KLRD1: variants seen among roughly 807,000 people sequenced by gnomAD.
The protein encoded by KLRD1 is natural killer cells antigen CD94.
In KLRD1, 21 loss-of-function variants were observed where a neutral mutation model predicts 22.6. That is an observed-to-expected ratio of 0.93 (90% CI 0.66 to 1.34). The LOEUF (loss-of-function observed/expected upper bound fraction) is 1.34, where lower values mean the gene tolerates loss of function less well. Among genes scored for constraint, KLRD1 ranks in the 40% most tolerant of loss-of-function variants. The pLI is 0.00. For missense variants in KLRD1, 183 were observed against 208.6 expected (o/e 0.88, Z 0.76); for synonymous variants, 59 against 71.1 (o/e 0.83, Z 0.85).
At chr12:10,275,257 A>C (rs1297303994) in intron 1 of KLRD1, among the ~76,000 whole-genome samples, 2 of 152,048 alleles carry the variant, frequency 1.3e-5, no homozygotes, top group African/African-American at 4.8e-5. Context: ...TTGTGTGCTT[A>C]GTTTTTTATT....
intron 1 of KLRD1, among the ~76,000 whole-genome samples, chr12:10,249,635 G>T (rs1006400895): frequency 6.6e-6 from 1 of 152,076 alleles, no homozygotes; most frequent in Middle Eastern, 3.2e-3. Context: ...TGGGGAAATC[G>T]TCAATTTTTT....
intron 1 of KLRD1, among the ~76,000 whole-genome samples, chr12:10,288,440 T>C (rs542033200): frequency 4.6e-5 from 7 of 152,272 alleles, no homozygotes; most frequent in South Asian, 4.1e-4. Flanking sequence ...AAATAAAATA[T>C]AATTTTCTTA....
intron 1 of KLRD1, among the ~76,000 whole-genome samples, chr12:10,285,560 A>G (rs60117409): frequency 0.012 from 1,813 of 152,264 alleles, 36 homozygotes; most frequent in African/African-American, 0.042. Context: ...AATTTTTCAC[A>G]TGGTTTTATT....
intron 1 of KLRD1, among the ~76,000 whole-genome samples, chr12:10,272,699 G>A (rs1298632464): frequency 6.6e-6 from 1 of 152,122 alleles, no homozygotes; most frequent in African/African-American, 2.4e-5. Flanking sequence ...TTAATATTGC[G>A]ACATCAGAGA....
At chr12:10,265,121 A>G (rs1213247532) in intron 1 of KLRD1, among the ~76,000 whole-genome samples, 1 of 152,060 alleles carries the variant, frequency 6.6e-6, no homozygotes, top group East Asian at 1.9e-4. Context: ...TTTACCTGTT[A>G]TTTTTAGCAC....
rs1261290430 is a variant in KLRD1, at chr12:10,309,619, C to G, written c.101-7C>G. On this transcript the variant is annotated splice_polypyrimidine_tract_variant and splice_region_variant and intron_variant, in intron 2 of 5. Transcript: ENST00000336164. ...TAATTAAACAAATTTCTAATCATTT[C>G]TTATAGCTTTTACTAAACTGAGTAT... The G allele has an allele frequency of 6.2e-7, 1 of 1,604,514 alleles. No individual in the cohort carries two copies. Among genetic ancestry groups the G allele is most frequent in the Admixed American group, 1.7e-5 (1 of 59,914 alleles).
intron 1 of KLRD1, among the ~76,000 whole-genome samples, chr12:10,272,623 C>G (rs1949560209): frequency 6.6e-6 from 1 of 152,062 alleles, no homozygotes; most frequent in Non-Finnish European, 1.5e-5. Flanking sequence ...TTCCATTGTT[C>G]AGATTAAATT....
intron 1 of KLRD1, among the ~76,000 whole-genome samples, chr12:10,245,348 A>C (rs777357986): frequency 1.4e-4 from 22 of 152,170 alleles, no homozygotes; most frequent in Non-Finnish European, 3.1e-4. Context: ...ACAGAGCAAG[A>C]CTCCATCTCA....
chr12:10,239,559 C>CTTTCTTTT (rs1565443438), intron 1 of KLRD1, among the ~76,000 whole-genome samples: 1 of 116,228 alleles, frequency 8.6e-6, no homozygotes, highest in Admixed American at 8.3e-5. Flanking sequence ...TTCTTTCTTT[C>CTTTCTTTT]TTTCTTTCTT....
intron 1 of KLRD1, among the ~76,000 whole-genome samples, chr12:10,286,020 GT>G (rs1307696647): frequency 6.6e-6 from 1 of 151,980 alleles, no homozygotes; most frequent in African/African-American, 2.4e-5. Context: ...GCATCTTACT[GT>G]TTTCGCCAGA....
chr12:10,251,344 C>G (rs1949344703), intron 1 of KLRD1, among the ~76,000 whole-genome samples: 1 of 151,958 alleles, frequency 6.6e-6, no homozygotes, highest in Admixed American at 6.6e-5. Flanking sequence ...AGGCTGGTCT[C>G]AAACTCCTGA....
intron 1 of KLRD1, among the ~76,000 whole-genome samples, chr12:10,298,016 A>C (rs1212508208): frequency 6.6e-6 from 1 of 152,192 alleles, no homozygotes; most frequent in Admixed American, 6.5e-5. Context: ...CATGTGTCTA[A>C]TATTGTGCAG....
At chr12:10,239,585 TTTTCTTTCTTTCTTTCTC>T (rs1565443543) in intron 1 of KLRD1, among the ~76,000 whole-genome samples, 8 of 126,814 alleles carry the variant, frequency 6.3e-5, no homozygotes, top group African/African-American at 2.5e-4. Context: ...CTTTCTTTCT[TTTTCTTTCTTTCTTTCTC>T]TCTCTTTCTT....
At chr12:10,308,277 A>G (rs111549483) in intron 1 of KLRD1, 193 bp downstream of exon 1, 1 of 580,800 alleles carries the variant, frequency 1.7e-6, no homozygotes, top group East Asian at 2.9e-5. Flanking sequence ...ACATGATTTC[A>G]TGAAGTTTTT....
At chr12:10,260,956 A>C in intron 1 of KLRD1, among the ~76,000 whole-genome samples, 1 of 66,142 alleles carries the variant, frequency 1.5e-5, no homozygotes, top group African/African-American at 3.8e-5. Flanking sequence ...AACAACAACA[A>C]CAAAAAACCA....
At chr12:10,295,490 C>G (rs1949813202) in intron 1 of KLRD1, among the ~76,000 whole-genome samples, 1 of 123,220 alleles carries the variant, frequency 8.1e-6, no homozygotes, top group South Asian at 2.9e-4. Flanking sequence ...CTTTCTTAAG[C>G]CAGGTATCCC....
At position 10,279,128 on chromosome 12, in the gene KLRD1, G is replaced by T. The variant is rs182569950; in HGVS notation, c.-100-28850G>T. On this transcript the variant is annotated intron_variant, in intron 1 of 5. Transcript: ENST00000544747. ...CATACTACCCAACAGGTAGTTTTTTGATCCTCACCCTCCTTCTACTCTCCA... is the reference window on the plus strand; with the variant it reads ...CATACTACCCAACAGGTAGTTTTTTTATCCTCACCCTCCTTCTACTCTCCA... Among the ~76,000 whole-genome samples, 220 of 151,700 alleles carry T rather than the reference G, an allele frequency of 1.5e-3. 2 individuals are homozygous for T. The highest frequency in any genetic ancestry group is 0.011 in the Admixed American group (165 of 15,230).
chr12:10,242,094 A>G (rs1268858443), intron 1 of KLRD1, among the ~76,000 whole-genome samples: 2 of 21,570 alleles, frequency 9.3e-5, no homozygotes, highest in East Asian at 2.1e-3. Flanking sequence ...TTTTTTTCAG[A>G]GAAGAGTGAC....
intron 1 of KLRD1, among the ~76,000 whole-genome samples, chr12:10,268,880 C>G (rs1949524034): frequency 6.6e-6 from 1 of 152,122 alleles, no homozygotes; most frequent in Admixed American, 6.5e-5. Flanking sequence ...GATAAGTGAA[C>G]AAATTTTTAT....
Sources: allele counts gnomAD v4.1 joint callset (sites outside exome capture counted in the v4.1 genomes callset), GRCh38; gene constraint gnomAD v4.1.1; transcripts MANE v1.5; gene names NCBI Gene and HGNC (gene_info 2026-07-23, HGNC 2026-07-21).